ATP8B4: variants seen among roughly 807,000 people sequenced by gnomAD.
The protein encoded by ATP8B4 is probable phospholipid-transporting ATPase IM.
Under a neutral mutation model 145.6 loss-of-function variants are expected in ATP8B4, and 133 were observed. The observed-to-expected ratio is 0.91, with a 90% CI of 0.79 to 1.05. ATP8B4 has a LOEUF of 1.05. Ranked by LOEUF, ATP8B4 falls within the 50% of genes least tolerant of loss-of-function variation. The pLI, the probability that ATP8B4 is intolerant of heterozygous loss-of-function variation, is 0.00. For missense variants in ATP8B4, 1,458 were observed against 1,425.2 expected, an observed-to-expected ratio of 1.02 and a Z score of -0.37; for synonymous variants, 507 against 492.9, an observed-to-expected ratio of 1.03 and a Z score of -0.38.
chr15:49,914,051 G>A lies in ATP8B4; in HGVS notation c.2141+2883C>T, dbSNP rs919368253. 1.8e-4 allele frequency among the ~76,000 whole-genome samples: 28 copies of A among 152,120 alleles called. 1 individual carries two copies. On this transcript the variant is annotated intron_variant, in intron 20 of 27. Coordinates refer to ENST00000284509, the MANE Select transcript of ATP8B4 (RefSeq NM_024837.4). Reference sequence around the variant, plus strand: ...CCTGACCAAAAAGAACAAAGCTGGAGGCATCACACTACCTGACTACAAAAT... The same window carrying A: ...CCTGACCAAAAAGAACAAAGCTGGAAGCATCACACTACCTGACTACAAAAT...
chr15:49,932,079 AAATT>A (rs756323966), intron 15 of ATP8B4, among the ~76,000 whole-genome samples: 12 of 151,690 alleles, frequency 7.9e-5, no homozygotes, highest in Non-Finnish European at 1.2e-4. Flanking sequence ...ATTAATTTGA[AAATT>A]AATTAATGTT....
At chr15:50,132,690 G>A (rs1192306710) in intron 1 of ATP8B4, among the ~76,000 whole-genome samples, 1 of 152,136 alleles carries the variant, frequency 6.6e-6, no homozygotes, top group Non-Finnish European at 1.5e-5. Context: ...ATTCACACTA[G>A]CAAAGACTTG....
At chr15:50,128,775 G>T (rs1239942918) in intron 1 of ATP8B4, among the ~76,000 whole-genome samples, 2 of 152,192 alleles carry the variant, frequency 1.3e-5, no homozygotes, top group Admixed American at 1.3e-4. Context: ...AAAAAGTTAA[G>T]TAGGCTGGGC....
At chr15:50,130,493 T>C (rs2057338291) in intron 1 of ATP8B4, among the ~76,000 whole-genome samples, 1 of 152,096 alleles carries the variant, frequency 6.6e-6, no homozygotes. Flanking sequence ...AATAAGAGTC[T>C]TGGCTGGGTG....
intron 10 of ATP8B4, among the ~76,000 whole-genome samples, chr15:49,982,254 A>G (rs1482959882): frequency 1.3e-5 from 2 of 152,184 alleles, no homozygotes; most frequent in South Asian, 2.1e-4. Context: ...TGTAAAAGAA[A>G]AAAAGAAGCA....
chr15:49,934,047 G>T lies in ATP8B4; in HGVS notation c.1423C>A (p.His475Asn). ...CTATTCTCTTCTGACATTACAGTGT[G>T]GCAGAGAGCAAGTAACCTAAGGAAT... ...HEFLRLLALC[H>N]TVMSEENSAG... The change falls in exon 15 of 28, where the codon CAC (histidine) becomes AAC (asparagine). Residue 475 changes from histidine (H) to asparagine (N), a missense_variant. Coordinates refer to ENST00000284509, the MANE Select transcript of ATP8B4 (RefSeq NM_024837.4). 1 of 1,612,288 alleles carries T rather than the reference G, an allele frequency of 6.2e-7. No individual in the cohort carries two copies. The highest frequency in any genetic ancestry group is 8.5e-7 in the Non-Finnish European group (1 of 1,178,986).
intron 1 of ATP8B4, among the ~76,000 whole-genome samples, chr15:50,176,889 A>G (rs1003022788): frequency 1.3e-5 from 2 of 152,216 alleles, no homozygotes; most frequent in African/African-American, 4.8e-5. Context: ...AATATCAATA[A>G]TCAGTTGTTC....
At chr15:50,166,783 G>A (rs2044603812) in intron 1 of ATP8B4, among the ~76,000 whole-genome samples, 1 of 152,194 alleles carries the variant, frequency 6.6e-6, no homozygotes, top group Non-Finnish European at 1.5e-5. Flanking sequence ...GATTTGCAGG[G>A]AGAAGGAGGT....
At chr15:49,933,783 C>CT (rs1183303450) in intron 15 of ATP8B4, among the ~76,000 whole-genome samples, 1 of 152,000 alleles carries the variant, frequency 6.6e-6, no homozygotes, top group Non-Finnish European at 1.5e-5. Context: ...TGTTTCTTTT[C>CT]TTTTTCACTT....
intron 5 of ATP8B4, among the ~76,000 whole-genome samples, chr15:50,040,504 G>T (rs974184787): frequency 6.6e-6 from 1 of 152,206 alleles, no homozygotes; most frequent in Non-Finnish European, 1.5e-5. Context: ...ACTGGTGAAG[G>T]TGTCCAGTTA....
chr15:50,143,780 C>A (rs146396647), intron 1 of ATP8B4, among the ~76,000 whole-genome samples: 1 of 152,028 alleles, frequency 6.6e-6, no homozygotes, highest in Non-Finnish European at 1.5e-5. Context: ...GATGGAACAG[C>A]GTGATTAAAG....
chr15:50,010,512 G>C (rs2048652372), intron 7 of ATP8B4, among the ~76,000 whole-genome samples: 1 of 151,866 alleles, frequency 6.6e-6, no homozygotes, highest in Admixed American at 6.6e-5. Flanking sequence ...AAATATGTGA[G>C]AGCAGACTTT....
chr15:49,924,613 T>C (rs916925660), intron 16 of ATP8B4, among the ~76,000 whole-genome samples: 6 of 152,168 alleles, frequency 3.9e-5, no homozygotes, highest in African/African-American at 1.2e-4. Context: ...CAAAATACAA[T>C]GTTACCCTCC....
chr15:50,140,669 T>A (rs1595639755), intron 1 of ATP8B4, among the ~76,000 whole-genome samples: 1 of 140,688 alleles, frequency 7.1e-6, no homozygotes, highest in African/African-American at 2.6e-5. Context: ...AAAGAATGAA[T>A]AACACACCAT....
intron 2 of ATP8B4, among the ~76,000 whole-genome samples, chr15:50,087,346 A>ATG (rs1173399911): frequency 3.5e-5 from 1 of 28,604 alleles, no homozygotes; most frequent in Non-Finnish European, 5.2e-5. Flanking sequence ...TATAATATAG[A>ATG]TCTATATATT....
intron 5 of ATP8B4, among the ~76,000 whole-genome samples, chr15:50,040,922 GC>G (rs1445970689): frequency 6.6e-6 from 1 of 152,206 alleles, no homozygotes; most frequent in Non-Finnish European, 1.5e-5. Flanking sequence ...TATACCTGAT[GC>G]TTTACACATA....
intron 1 of ATP8B4, among the ~76,000 whole-genome samples, chr15:50,132,026 A>G (rs2044054662): frequency 8.2e-6 from 1 of 121,502 alleles, no homozygotes. Context: ...GCCAAAGGCC[A>G]TTGTTTCTAT....
intron 12 of ATP8B4, among the ~76,000 whole-genome samples, chr15:49,978,544 G>A (rs1325904260): frequency 3.3e-5 from 5 of 152,086 alleles, no homozygotes; most frequent in African/African-American, 1.2e-4. Flanking sequence ...GATAAAAAGA[G>A]GTTCATAAAA....
Position 49,876,306 on chromosome 15 carries a change from G to A in ATP8B4, c.2999C>T (p.Thr1000Ile). The stretch of plus-strand genomic sequence containing the variant: ...CACACTGACCACAATGACCAAAGAT[G>A]TGGCCATGGTAACTGCAAAGGACTG... Reference protein sequence around the residue: ...DYQSFAVTMATSLVIVVSVQI... With the variant: ...DYQSFAVTMAISLVIVVSVQI... Residue 1000 changes from threonine (T) to isoleucine (I), a missense_variant, in exon 25 of 28, where the codon ACA (threonine) becomes ATA (isoleucine). Thr to Ile is a moderately conservative substitution (Grantham distance 89). Transcript: ENST00000284509. The A allele has an allele frequency of 6.2e-7, 1 of 1,614,096 alleles. No homozygotes were observed. The highest frequency in any genetic ancestry group is 8.5e-7 in the Non-Finnish European group (1 of 1,179,966).
Sources: allele counts gnomAD v4.1 joint callset (sites outside exome capture counted in the v4.1 genomes callset), GRCh38; gene constraint gnomAD v4.1.1; transcripts MANE v1.5; gene names NCBI Gene and HGNC (gene_info 2026-07-23, HGNC 2026-07-21).